ATP8B4: variants seen among roughly 807,000 people sequenced by gnomAD.
The protein encoded by ATP8B4 is ATPase phospholipid transporting 8B4 (putative).
In ATP8B4, 133 loss-of-function variants were observed where a neutral mutation model predicts 145.6. The observed-to-expected ratio is 0.91, with a 90% CI of 0.79 to 1.05. The LOEUF is 1.05. ATP8B4 is among the 50% of genes least tolerant of loss of function. ATP8B4 has a pLI of 0.00. For missense variants in ATP8B4, 1,458 were observed against 1,425.2 expected, an observed-to-expected ratio of 1.02 and a Z score of -0.37; for synonymous variants, 507 against 492.9, an observed-to-expected ratio of 1.03 and a Z score of -0.38.
At chr15:50,178,528 T>C (rs1436879581) in intron 1 of ATP8B4, among the ~76,000 whole-genome samples, 1 of 152,158 alleles carries the variant, frequency 6.6e-6, no homozygotes, top group African/African-American at 2.4e-5. Context: ...GTAAGATTAT[T>C]TTGTTTTGTT....
chr15:50,000,294 G>A (rs2047777792), intron 8 of ATP8B4, among the ~76,000 whole-genome samples: 1 of 152,118 alleles, frequency 6.6e-6, no homozygotes, highest in Non-Finnish European at 1.5e-5. Context: ...AGTGATTGTA[G>A]CATGTTACAT....
intron 14 of ATP8B4, among the ~76,000 whole-genome samples, chr15:49,934,949 C>T (rs947795476): frequency 1.3e-5 from 2 of 152,056 alleles, no homozygotes; most frequent in Admixed American, 6.6e-5. Flanking sequence ...TCTAAAGTTA[C>T]AAGAGCAGAT....
chr15:50,164,088 TCAGGGACCCCAGGAGC>T (rs2044561383), intron 1 of ATP8B4, among the ~76,000 whole-genome samples: 1 of 151,982 alleles, frequency 6.6e-6, no homozygotes, highest in Admixed American at 6.6e-5. Flanking sequence ...ATGCCTGGAG[TCAGGGACCCCAGGAGC>T]CTGCTTGGCG....
At chr15:49,889,013 C>T (rs752812591) in intron 23 of ATP8B4, among the ~76,000 whole-genome samples, 7 of 152,002 alleles carry the variant, frequency 4.6e-5, no homozygotes, top group Non-Finnish European at 7.4e-5. Context: ...ATTTCCTCCA[C>T]ATAGTCATAT....
At chr15:50,027,776 C>T (rs371116482) in intron 6 of ATP8B4, among the ~76,000 whole-genome samples, 12 of 152,158 alleles carry the variant, frequency 7.9e-5, no homozygotes, top group Non-Finnish European at 1.2e-4. Context: ...TCTCACTTAA[C>T]GTCGTGGATA....
intron 9 of ATP8B4, among the ~76,000 whole-genome samples, chr15:49,992,187 C>T (rs2047095285): frequency 6.6e-6 from 1 of 152,156 alleles, no homozygotes; most frequent in Non-Finnish European, 1.5e-5. Flanking sequence ...ATAATGTGTG[C>T]AATTACTCAG....
chr15:50,045,803 T>C (rs981951118), intron 4 of ATP8B4, among the ~76,000 whole-genome samples: 6 of 152,098 alleles, frequency 3.9e-5, no homozygotes, highest in Admixed American at 3.9e-4. Context: ...AAATATAAAA[T>C]TCTATGAACA....
chr15:49,920,480 T>C (rs2040160332), intron 17 of ATP8B4, 70 bp from the exon 18 acceptor site: 2 of 1,463,826 alleles, frequency 1.4e-6, no homozygotes, highest in South Asian at 1.4e-5. Flanking sequence ...ACAACAAAAA[T>C]AATTGGTGAG....
At chr15:50,127,181 C>A (rs867614629) in intron 1 of ATP8B4, among the ~76,000 whole-genome samples, 5 of 152,196 alleles carry the variant, frequency 3.3e-5, no homozygotes. Context: ...CTGCCTGGAA[C>A]CTCTGCCTCC....
intron 1 of ATP8B4, among the ~76,000 whole-genome samples, chr15:50,146,431 A>C (rs185350855): frequency 1.1e-3 from 166 of 152,362 alleles, no homozygotes; most frequent in African/African-American, 3.8e-3. Flanking sequence ...GAACAAGAAA[A>C]ATAATTATTC....
intron 8 of ATP8B4, among the ~76,000 whole-genome samples, chr15:50,001,878 C>A (rs760498278): frequency 1.3e-5 from 2 of 152,048 alleles, no homozygotes; most frequent in African/African-American, 2.4e-5. Context: ...TCAAAACAAG[C>A]AAAAACTTTT....
intron 1 of ATP8B4, among the ~76,000 whole-genome samples, chr15:50,166,266 T>A (rs2044597522): frequency 1.3e-5 from 2 of 151,900 alleles, no homozygotes; most frequent in Admixed American, 6.6e-5. Context: ...GTACAAGAAA[T>A]GTTAGGGGAA....
intron 14 of ATP8B4, among the ~76,000 whole-genome samples, chr15:49,946,435 C>T (rs1052583473): frequency 4.6e-5 from 7 of 152,182 alleles, no homozygotes; most frequent in Admixed American, 1.3e-4. Flanking sequence ...CACACACAAA[C>T]GGACTAAGCC....
At chr15:50,097,332 T>C (rs1359228295) in intron 2 of ATP8B4, among the ~76,000 whole-genome samples, 1 of 150,424 alleles carries the variant, frequency 6.6e-6, no homozygotes, top group Non-Finnish European at 1.5e-5. Context: ...GCAATGTTTA[T>C]GGTGTTATGT....
At chr15:50,172,153 A>G (rs2555487) in intron 1 of ATP8B4, among the ~76,000 whole-genome samples, 3 of 152,082 alleles carry the variant, frequency 2.0e-5, no homozygotes, top group East Asian at 3.9e-4. Flanking sequence ...TCTCCCTCCC[A>G]CTCCCGCTCC....
chr15:50,026,766 C>T (rs2050035541), intron 6 of ATP8B4, among the ~76,000 whole-genome samples: 1 of 152,158 alleles, frequency 6.6e-6, no homozygotes, highest in African/African-American at 2.4e-5. Flanking sequence ...TTCCCAATGC[C>T]TTCCTGCCTT....
chr15:49,946,743 T>C (rs1321788615), intron 14 of ATP8B4, among the ~76,000 whole-genome samples: 1 of 152,184 alleles, frequency 6.6e-6, no homozygotes, highest in African/African-American at 2.4e-5. Context: ...TTTCTTATCA[T>C]GGTGGTGTAT....
chr15:49,998,841 T>C (rs1335716479), intron 8 of ATP8B4, among the ~76,000 whole-genome samples: 22 of 151,440 alleles, frequency 1.5e-4, no homozygotes, highest in African/African-American at 4.9e-4. Flanking sequence ...TGGTAATGCT[T>C]AGGTTTTCTT....
At chr15:49,926,018 T>C (rs549961168) in intron 16 of ATP8B4, among the ~76,000 whole-genome samples, 1 of 152,140 alleles carries the variant, frequency 6.6e-6, no homozygotes, top group Non-Finnish European at 1.5e-5. Flanking sequence ...ATATTAGTGT[T>C]CTTCAGAGAT....
Sources: gnomAD v4.1 joint callset for allele counts (sites outside exome capture counted in the v4.1 genomes callset) on GRCh38, gnomAD v4.1.1 for gene constraint, MANE v1.5 for transcripts, NCBI Gene and HGNC (gene_info 2026-07-23, HGNC 2026-07-21) for gene names.